Variants in TBPL1 observed in about 807,000 individuals in gnomAD.
The protein encoded by TBPL1 is TATA-box binding protein like 1, also known as TATA box-binding protein-like 1.
In TBPL1, 4 loss-of-function variants were observed where a neutral mutation model predicts 22.1. The observed-to-expected ratio is 0.18, with a 90% CI of 0.09 to 0.41. The LOEUF (loss-of-function observed/expected upper bound fraction) is 0.41, where lower values mean the gene tolerates loss of function less well. Among genes scored for constraint, TBPL1 ranks in the 10% least tolerant of loss-of-function variants. The pLI, the probability that TBPL1 is intolerant of heterozygous loss-of-function variation, is 1.00. For missense variants in TBPL1, 115 were observed against 222.3 expected (o/e 0.52, Z 3.07); for synonymous variants, 64 against 71.0 (o/e 0.90, Z 0.50).
chr6:133,954,464 A>G (rs905809113), intron 1 of TBPL1, among the ~76,000 whole-genome samples: 1 of 152,242 alleles, frequency 6.6e-6, no homozygotes, highest in Non-Finnish European at 1.5e-5. Flanking sequence ...TGTTAGCACT[A>G]TCTGGTTGAA....
intron 1 of TBPL1, among the ~76,000 whole-genome samples, chr6:133,961,929 A>C (rs554004238): frequency 6.6e-6 from 1 of 152,204 alleles, no homozygotes; most frequent in African/African-American, 2.4e-5. Flanking sequence ...TACAACTGCC[A>C]TGAGAGTTGC....
intron 6 of TBPL1, chr6:133,986,107 G>A (rs1776517440): frequency 6.6e-6 from 1 of 152,170 alleles, no homozygotes; most frequent in Non-Finnish European, 1.5e-5. Flanking sequence ...TACTGAATTG[G>A]TTCCCATGAA....
chr6:133,968,436 T>TA (rs1164996674), intron 1 of TBPL1, among the ~76,000 whole-genome samples: 1 of 152,250 alleles, frequency 6.6e-6, no homozygotes, highest in Non-Finnish European at 1.5e-5. Flanking sequence ...GTCAGTAAAA[T>TA]ACACTTTTTT....
chr6:133,967,047 C>G (rs988486792), intron 1 of TBPL1, among the ~76,000 whole-genome samples: 1 of 152,204 alleles, frequency 6.6e-6, no homozygotes, highest in Non-Finnish European at 1.5e-5. Flanking sequence ...CCCTGCATTT[C>G]TAGCCTAGTC....
intron 1 of TBPL1, among the ~76,000 whole-genome samples, chr6:133,957,434 A>G (rs1454822917): frequency 6.6e-6 from 1 of 152,202 alleles, no homozygotes; most frequent in East Asian, 1.9e-4. Context: ...GGCCCATGGT[A>G]TGTTTTTGTT....
At chr6:133,961,399 C>T (rs1302171007) in intron 1 of TBPL1, among the ~76,000 whole-genome samples, 2 of 151,762 alleles carry the variant, frequency 1.3e-5, no homozygotes, top group African/African-American at 4.8e-5. Context: ...GGTTGCTCTT[C>T]TCCCAGTGTT....
In TBPL1 at chr6:133,987,599, T is replaced by C. The variant is rs1776551329; in HGVS notation, c.*559T>C. 6.6e-6 allele frequency: 1 copy of C among 151,496 alleles called. No individual in the cohort carries two copies. The highest frequency in any genetic ancestry group is 6.6e-5 in the Admixed American group (1 of 15,116). 9.4% of individuals were successfully genotyped at this position (151,496 alleles called of 1,614,324 possible). On this transcript the variant is annotated 3_prime_UTR_variant, in exon 7 of 7. Transcript: ENST00000237264. ...CAAGCTTAAGACTTTGGCTAAAGTG[T>C]GTTGGCTTCTTTTTGAAGTGTATTT... is the stretch of plus-strand genomic sequence containing the variant.
At chr6:133,962,652 G>A (rs1355590029) in intron 1 of TBPL1, among the ~76,000 whole-genome samples, 1 of 152,220 alleles carries the variant, frequency 6.6e-6, no homozygotes, top group Non-Finnish European at 1.5e-5. Flanking sequence ...GGTCAGGATA[G>A]ATGTAGGAGC....
chr6:133,982,893 A>G lies in TBPL1; in HGVS notation c.282+13A>G, dbSNP rs773661696. 6.3e-7 allele frequency: 1 copy of G among 1,596,218 alleles called. No homozygotes were observed. The highest frequency in any genetic ancestry group is 2.2e-5 in the East Asian group (1 of 44,764). ...ACTAGGTTTTCAGGTAACGTTTTCA[A>G]ATAGTATCTAAACTACAAATATTCA... On this transcript the variant is annotated intron_variant, in intron 4 of 6. Transcript: ENST00000237264.
intron 6 of TBPL1, 139 bp from the exon 7 acceptor site, chr6:133,986,822 A>G: frequency 1.9e-6 from 1 of 532,242 alleles, no homozygotes; most frequent in South Asian, 3.1e-5. Flanking sequence ...GTGTATAATT[A>G]TATGTCTAGT....
chr6:133,968,037 T>C (rs1224750105), intron 1 of TBPL1, among the ~76,000 whole-genome samples: 2 of 150,876 alleles, frequency 1.3e-5, no homozygotes, highest in African/African-American at 4.9e-5. Flanking sequence ...TGAGACAGAG[T>C]CTTGCTTTGT....
intron 1 of TBPL1, among the ~76,000 whole-genome samples, chr6:133,969,341 TTTC>T (rs1242596238): frequency 6.6e-6 from 1 of 151,714 alleles, no homozygotes; most frequent in Admixed American, 6.6e-5. Flanking sequence ...ACCTTGTAGC[TTTC>T]TTAATATAGA....
At position 133,990,431 on chromosome 6, in the gene TBPL1, A is replaced by G. The variant is rs1776604781; in HGVS notation, c.*3391A>G. On this transcript the variant is annotated 3_prime_UTR_variant, in exon 7 of 7. Transcript: ENST00000237264. ...AATAAATATGGTCCCAGGATTTTAA[A>G]ATTGTCTTTTCTATGCATTTTTTAA... The G allele has an allele frequency of 6.6e-6, 1 of 152,594 alleles. No homozygotes were observed. The highest frequency in any genetic ancestry group is 1.5e-5 in the Non-Finnish European group (1 of 68,028). 9.5% of individuals were successfully genotyped at this position (152,594 alleles called of 1,614,324 possible).
At chr6:133,958,056 G>A (rs908965684) in intron 1 of TBPL1, among the ~76,000 whole-genome samples, 15 of 152,132 alleles carry the variant, frequency 9.9e-5, no homozygotes, top group African/African-American at 3.1e-4. Flanking sequence ...GTTTTGAATT[G>A]TCACACAGGC....
chr6:133,983,596 G>A (rs1776454103), intron 4 of TBPL1, among the ~76,000 whole-genome samples: 1 of 152,112 alleles, frequency 6.6e-6, no homozygotes, highest in Admixed American at 6.5e-5. Flanking sequence ...GTAGAGAGAG[G>A]CTTGAGTTGT....
At chr6:133,986,930 C>G (rs762119262) in intron 6 of TBPL1, 31 bp from the exon 7 acceptor site, 13 of 1,516,682 alleles carry the variant, frequency 8.6e-6, no homozygotes, top group Middle Eastern at 1.7e-4. Flanking sequence ...TCCAACTCTT[C>G]TCACTCCTTC....
intron 1 of TBPL1, among the ~76,000 whole-genome samples, chr6:133,959,847 A>G (rs993409608): frequency 6.6e-6 from 1 of 152,244 alleles, no homozygotes; most frequent in South Asian, 2.1e-4. Context: ...AGATATGAAC[A>G]TAATAAAGTC....
chr6:133,980,232 C>T lies in TBPL1; in HGVS notation c.107C>T (p.Ala36Val). 1 of 1,607,602 alleles carries T rather than the reference C, an allele frequency of 6.2e-7. No homozygotes were observed. The highest frequency in any genetic ancestry group is 1.1e-5 in the South Asian group (1 of 89,542). ...TTAAGGAAGATTGCTTTGGAAGGAG[C>T]AAATGTAATTTATAAACGTGATGTT... is the stretch of plus-strand genomic sequence containing the variant. ...LNLRKIALEG[A>V]NVIYKRDVGK... Residue 36 changes from alanine (A) to valine (V), a missense_variant, in exon 2 of 7, where the codon GCA becomes GTA. Ala to Val is a moderately conservative substitution (Grantham distance 64, BLOSUM62 0). Transcript: ENST00000237264.
intron 1 of TBPL1, among the ~76,000 whole-genome samples, chr6:133,962,392 C>T (rs1370391094): frequency 6.6e-6 from 1 of 152,086 alleles, no homozygotes; most frequent in African/African-American, 2.4e-5. Context: ...TAAAATAAAA[C>T]GTTGCTTTGG....
Sources: gnomAD v4.1 joint callset for allele counts (sites outside exome capture counted in the v4.1 genomes callset) on GRCh38, gnomAD v4.1.1 for gene constraint, MANE v1.5 for transcripts, NCBI Gene and HGNC (gene_info 2026-07-23, HGNC 2026-07-21) for gene names.